MAN1A2: variants seen among roughly 807,000 people sequenced by gnomAD.
The protein encoded by MAN1A2 is mannosyl-oligosaccharide 1,2-alpha-mannosidase IB.
In MAN1A2, 26 loss-of-function variants were observed where a neutral mutation model predicts 75.7. The observed-to-expected ratio is 0.34, with a 90% CI of 0.25 to 0.48. The LOEUF (loss-of-function observed/expected upper bound fraction) is 0.48. MAN1A2 is among the 20% of genes least tolerant of loss of function. The pLI is 0.99. For missense variants in MAN1A2, 562 were observed against 775.5 expected (o/e 0.72, Z 3.27); for synonymous variants, 247 against 264.6 (o/e 0.93, Z 0.65).
intron 5 of MAN1A2, 32 bp from the exon 6 acceptor site, chr1:117,442,199 T>C (rs764792117): frequency 7.4e-7 from 1 of 1,343,920 alleles, no homozygotes; most frequent in Non-Finnish European, 1.1e-6. Flanking sequence ...CTAATGGCTA[T>C]AATTTATGAA....
At chr1:117,414,437 A>T (rs905762523) in intron 3 of MAN1A2, among the ~76,000 whole-genome samples, 5 of 151,294 alleles carry the variant, frequency 3.3e-5, no homozygotes, top group Non-Finnish European at 5.9e-5. Context: ...GTATGCTTTT[A>T]GTTTTCTTTT....
chr1:117,431,018 G>A (rs1476802060), intron 5 of MAN1A2, among the ~76,000 whole-genome samples: 2 of 128,926 alleles, frequency 1.6e-5, no homozygotes, highest in Non-Finnish European at 3.3e-5. Context: ...GACCGGCCCG[G>A]CCAACACAGT....
At chr1:117,511,204 G>A (rs1651523652) in intron 12 of MAN1A2, among the ~76,000 whole-genome samples, 1 of 151,974 alleles carries the variant, frequency 6.6e-6, no homozygotes, top group Admixed American at 6.6e-5. Context: ...GAACAATATG[G>A]GGGAAACCAC....
chr1:117,420,740 TC>T, intron 5 of MAN1A2, 91 bp downstream of exon 5: 1 of 923,738 alleles, frequency 1.1e-6, no homozygotes, highest in Non-Finnish European at 1.8e-6. Context: ...ATATTAGTTT[TC>T]TAAATTGGTA....
At chr1:117,499,805 G>T (rs868312775) in intron 11 of MAN1A2, among the ~76,000 whole-genome samples, 1 of 149,822 alleles carries the variant, frequency 6.7e-6, no homozygotes, top group Admixed American at 6.7e-5. Flanking sequence ...ATTTTTAATG[G>T]TTAGTTAAGT....
intron 4 of MAN1A2, 70 bp from the exon 5 acceptor site, chr1:117,420,499 A>C: frequency 1.9e-6 from 2 of 1,076,300 alleles, no homozygotes; most frequent in Non-Finnish European, 2.8e-6. Context: ...AAACAAATGA[A>C]GTATTGATAA....
chr1:117,425,617 T>C (rs887863393), intron 5 of MAN1A2, among the ~76,000 whole-genome samples: 2 of 152,210 alleles, frequency 1.3e-5, no homozygotes, highest in Non-Finnish European at 2.9e-5. Context: ...TCTTATTACA[T>C]AACCACAGAA....
intron 1 of MAN1A2, among the ~76,000 whole-genome samples, chr1:117,378,391 C>T (rs1030413094): frequency 3.3e-5 from 5 of 152,060 alleles, no homozygotes; most frequent in Non-Finnish European, 7.4e-5. Flanking sequence ...GTTGTTTTCC[C>T]CTTCATGTTA....
intron 8 of MAN1A2, among the ~76,000 whole-genome samples, chr1:117,488,066 C>T (rs1456140779): frequency 6.6e-6 from 1 of 151,962 alleles, no homozygotes; most frequent in African/African-American, 2.4e-5. Context: ...CTTATTATTG[C>T]CCTGTCTTCT....
Position 117,430,104 on chromosome 1 carries a change from G to A in MAN1A2, c.855+9455G>A, listed in dbSNP as rs1460690498. On this transcript the variant is annotated intron_variant, in intron 5 of 12. Transcript: ENST00000356554. ...GTGCTGACCCCCCCATCTCCCTCCCGGACGGGGTAGCTGGCCGGGCTGAGG... is the reference window on the plus strand; with the variant it reads ...GTGCTGACCCCCCCATCTCCCTCCCAGACGGGGTAGCTGGCCGGGCTGAGG... Among the ~76,000 whole-genome samples the A allele has an allele frequency of 4.4e-4, 25 of 56,976 alleles. 2 individuals carry two copies. In the East Asian group the frequency reaches 0.012, roughly 28 times the overall value. 37.4% of individuals were successfully genotyped at this position (56,976 alleles called of 152,430 possible). A position where few individuals can be genotyped will look rare whatever the true frequency, so the allele number is the denominator to read the frequency against.
chr1:117,433,751 T>G (rs1270489957), intron 5 of MAN1A2, among the ~76,000 whole-genome samples: 1 of 152,218 alleles, frequency 6.6e-6, no homozygotes, highest in Non-Finnish European at 1.5e-5. Flanking sequence ...CAGTTTGCAC[T>G]GATGGTCCCA....
At chr1:117,381,635 G>T (rs915929973) in intron 1 of MAN1A2, among the ~76,000 whole-genome samples, 23 of 152,182 alleles carry the variant, frequency 1.5e-4, no homozygotes, top group African/African-American at 5.5e-4. Flanking sequence ...GAATAGTGCC[G>T]CAGTAAACAT....
At chr1:117,399,025 G>A (rs759773607) in intron 1 of MAN1A2, among the ~76,000 whole-genome samples, 2 of 152,112 alleles carry the variant, frequency 1.3e-5, no homozygotes, top group South Asian at 2.1e-4. Context: ...TGGTTCCATC[G>A]CATGCTAAAA....
chr1:117,424,208 T>C (rs555549288), intron 5 of MAN1A2, among the ~76,000 whole-genome samples: 2 of 152,308 alleles, frequency 1.3e-5, no homozygotes, highest in African/African-American at 4.8e-5. Flanking sequence ...CTGCTCCTTC[T>C]CCTGAGGCAG....
intron 4 of MAN1A2, 22 bp downstream of exon 4, chr1:117,414,853 A>G (rs1647938899): frequency 7.5e-7 from 1 of 1,332,924 alleles, no homozygotes; most frequent in Non-Finnish European, 1.1e-6. Flanking sequence ...ATTGATAACT[A>G]ATCTCTTAGA....
intron 5 of MAN1A2, among the ~76,000 whole-genome samples, chr1:117,423,731 T>C (rs1186096421): frequency 6.6e-6 from 1 of 152,142 alleles, no homozygotes; most frequent in East Asian, 1.9e-4. Flanking sequence ...TCTAGAAAAC[T>C]TTGTGATACT....
At chr1:117,516,645 CA>C (rs757845105) in intron 12 of MAN1A2, among the ~76,000 whole-genome samples, 40 of 152,066 alleles carry the variant, frequency 2.6e-4, no homozygotes, top group Non-Finnish European at 5.3e-4. Flanking sequence ...AGACAGGAGG[CA>C]ATGAAGGACA....
At chr1:117,473,325 A>G (rs76139785) in intron 8 of MAN1A2, among the ~76,000 whole-genome samples, 1,571 of 152,018 alleles carry the variant, frequency 0.01, 19 homozygotes, top group African/African-American at 0.034. Flanking sequence ...CTAGAATTCA[A>G]TTGCCACTAC....
intron 6 of MAN1A2, among the ~76,000 whole-genome samples, chr1:117,447,035 G>A (rs978684550): frequency 6.6e-6 from 1 of 151,976 alleles, no homozygotes. Flanking sequence ...CTCTGGTAAT[G>A]TTTTTGTCTT....
Sources: allele counts gnomAD v4.1 joint callset (sites outside exome capture counted in the v4.1 genomes callset), GRCh38; gene constraint gnomAD v4.1.1; transcripts MANE v1.5; gene names NCBI Gene and HGNC (gene_info 2026-07-23, HGNC 2026-07-21).